Variants in BTC observed in about 807,000 individuals in gnomAD.
The protein encoded by BTC is betacellulin, also known as probetacellulin.
BTC carries 13 observed loss-of-function variants against 18.1 expected under a neutral mutation model. The ratio of observed to expected loss-of-function variants is 0.72; its 90% CI spans 0.47 to 1.14. BTC has a LOEUF of 1.14. BTC is among the 50% of genes most tolerant of loss of function. The pLI is 0.00. For missense variants in BTC, 247 were observed against 224.2 expected (o/e 1.10, Z -0.65); for synonymous variants, 83 against 79.4 (o/e 1.05, Z -0.24).
At chr4:74,757,465 T>C (rs1553956830) in intron 2 of BTC, among the ~76,000 whole-genome samples, 1 of 152,138 alleles carries the variant, frequency 6.6e-6, no homozygotes, top group African/African-American at 2.4e-5. Flanking sequence ...ATGAGACTCA[T>C]CAGAAGGACT....
intron 5 of BTC, 146 bp from the exon 6 acceptor site, chr4:74,746,821 C>T (rs1248806927): frequency 2.0e-5 from 3 of 152,158 alleles, no homozygotes; most frequent in Admixed American, 6.5e-5. Context: ...TATAATTTCT[C>T]GTCAAGCATT....
chr4:74,749,679 G>GTTTTTTTTTTTTTTT (rs368443449), intron 4 of BTC, among the ~76,000 whole-genome samples: 1 of 77,842 alleles, frequency 1.3e-5, no homozygotes, highest in Non-Finnish European at 2.6e-5. Context: ...TAATAAGATA[G>GTTTTTTTTTTTTTTT]TTTTTTTTGT....
Position 74,746,039 on chromosome 4 carries a change from C to T in BTC, c.*638G>A, listed in dbSNP as rs2109872622. Reference sequence around the variant, plus strand: ...GACATCTCACAATCATACCAAAACACAGTTCAGTATAAAACCTTGGGTTAT... The same window carrying T: ...GACATCTCACAATCATACCAAAACATAGTTCAGTATAAAACCTTGGGTTAT... On this transcript the variant is annotated 3_prime_UTR_variant, in exon 6 of 6. Transcript: ENST00000395743. The T allele has an allele frequency of 6.6e-6, 1 of 152,288 alleles. No homozygotes were observed. The highest frequency in any genetic ancestry group is 2.1e-4 in the South Asian group (1 of 4,826). The allele number at this position is 152,288 out of a possible 1,614,324, so 9.4% of individuals were successfully genotyped here. A position where few individuals can be genotyped will look rare whatever the true frequency, so the allele number is the denominator to read the frequency against.
chr4:74,754,587 A>G (rs757432979), intron 3 of BTC, among the ~76,000 whole-genome samples: 93 of 152,228 alleles, frequency 6.1e-4, no homozygotes, highest in Non-Finnish European at 1.2e-3. Flanking sequence ...AAGAGCTTAT[A>G]TAATAAATCA....
chr4:74,789,505 C>T (rs1370004930), intron 1 of BTC, among the ~76,000 whole-genome samples: 1 of 152,100 alleles, frequency 6.6e-6, no homozygotes, highest in African/African-American at 2.4e-5. Flanking sequence ...AATTCTGTGT[C>T]TCTAAATGAT....
At chr4:74,770,588 C>T (rs1201970588) in intron 1 of BTC, among the ~76,000 whole-genome samples, 2 of 152,110 alleles carry the variant, frequency 1.3e-5, no homozygotes, top group Non-Finnish European at 2.9e-5. Flanking sequence ...GAATGTGCTT[C>T]TTTCTGGGGA....
chr4:74,763,176 C>A (rs1457695132), intron 2 of BTC, among the ~76,000 whole-genome samples: 1 of 151,940 alleles, frequency 6.6e-6, no homozygotes, highest in Non-Finnish European at 1.5e-5. Context: ...AATTCTATAT[C>A]CTATACAGAA....
intron 2 of BTC, among the ~76,000 whole-genome samples, chr4:74,758,197 G>GA (rs1724654430): frequency 2.0e-5 from 3 of 152,356 alleles, no homozygotes; most frequent in Middle Eastern, 3.4e-3. Flanking sequence ...GAAGGGTCCT[G>GA]AAGGGGAACA....
intron 1 of BTC, among the ~76,000 whole-genome samples, chr4:74,783,323 G>T (rs1277534405): frequency 1.3e-5 from 2 of 152,060 alleles, no homozygotes; most frequent in Non-Finnish European, 2.9e-5. Context: ...CATATGACTA[G>T]CCAGTTCTCT....
chr4:74,758,682 G>A (rs1432741041), intron 2 of BTC, among the ~76,000 whole-genome samples: 1 of 152,130 alleles, frequency 6.6e-6, no homozygotes, highest in Non-Finnish European at 1.5e-5. Context: ...AAATTAACCA[G>A]CAGCTGCTGA....
chr4:74,756,954 C>T (rs1291593229), intron 2 of BTC, among the ~76,000 whole-genome samples: 6 of 152,144 alleles, frequency 3.9e-5, no homozygotes, highest in South Asian at 2.1e-4. Context: ...CTAGCTGTTT[C>T]GTATGTTAAC....
At chr4:74,789,650 AATT>A (rs1256139755) in intron 1 of BTC, among the ~76,000 whole-genome samples, 2 of 152,304 alleles carry the variant, frequency 1.3e-5, no homozygotes, top group Non-Finnish European at 2.9e-5. Context: ...CATCTGAAAA[AATT>A]ATTTTGTCCT....
chr4:74,750,714 T>C lies in BTC; in HGVS notation c.287A>G (p.Asp96Gly), dbSNP rs199618373. ...ACACCTTGCTCCAATGTAGCCTTCA[T>C]CACAGCTATAAAACAAGACGAGGGC... is the stretch of plus-strand genomic sequence containing the variant. ...VAEQTPSCVC[D>G]EGYIGARCER... The change falls in exon 4 of 6, where the codon GAT (aspartate) becomes GGT (glycine). Residue 96 changes from aspartate to glycine, a missense_variant. Coordinates refer to ENST00000395743, the MANE Select transcript of BTC (RefSeq NM_001729.4). 3.1e-4 allele frequency: 508 copies of C among 1,613,060 alleles called. 3 individuals carry two copies. Among genetic ancestry groups the C allele is most frequent in the South Asian group, 2.6e-3 (240 of 90,742 alleles).
chr4:74,767,780 C>T (rs1724939954), intron 2 of BTC, among the ~76,000 whole-genome samples: 1 of 151,944 alleles, frequency 6.6e-6, no homozygotes. Context: ...TAACAATACG[C>T]AATGAGGAAA....
chr4:74,794,461 G>T lies in BTC; in HGVS notation c.-136C>A. 2.0e-6 allele frequency: 2 copies of T among 1,003,484 alleles called. No homozygotes were observed. The highest frequency in any genetic ancestry group is 1.4e-6 in the Non-Finnish European group (1 of 712,432). 62.2% of individuals were successfully genotyped at this position (1,003,484 alleles called of 1,614,324 possible). The stretch of plus-strand genomic sequence containing the variant: ...AGAAGGAAACGAAACTACTTCCCAG[G>T]CTGGCACCCTGGCTACAAGGCAGGG... On this transcript the variant is annotated 5_prime_UTR_variant, in exon 1 of 6. Coordinates refer to ENST00000395743, the MANE Select transcript of BTC (RefSeq NM_001729.4).
At position 74,787,170 on chromosome 4, in the gene BTC, A is replaced by G. The variant is rs117582964; in HGVS notation, c.64+7092T>C. Among the ~76,000 whole-genome samples the G allele has an allele frequency of 6.4e-4, 97 of 152,328 alleles. 1 individual carries two copies. In the East Asian group the frequency reaches 0.016, roughly 25 times the overall value. ...AGTCTTGCGAAGACGAAAATGTTATATTAGTAGTTCATCCTGTTATGCAAC... is the reference window on the plus strand; with the variant it reads ...AGTCTTGCGAAGACGAAAATGTTATGTTAGTAGTTCATCCTGTTATGCAAC... On this transcript the variant is annotated intron_variant, in intron 1 of 5. Transcript: ENST00000395743.
At chr4:74,753,145 G>A (rs188457871) in intron 3 of BTC, among the ~76,000 whole-genome samples, 5 of 152,286 alleles carry the variant, frequency 3.3e-5, no homozygotes, top group Middle Eastern at 3.4e-3. Flanking sequence ...TGGTGACTAA[G>A]TGGGTTTTTA....
chr4:74,759,247 T>C (rs1474448621), intron 2 of BTC, among the ~76,000 whole-genome samples: 5 of 151,488 alleles, frequency 3.3e-5, no homozygotes, highest in African/African-American at 1.2e-4. Flanking sequence ...AAAATAGGGA[T>C]TGGTCCTAAG....
intron 1 of BTC, among the ~76,000 whole-genome samples, chr4:74,789,749 GTT>G (rs1725572592): frequency 2.0e-5 from 3 of 152,110 alleles, no homozygotes. Context: ...TAAAATGACA[GTT>G]TTATTTATTT....
Sources: gnomAD v4.1 joint callset for allele counts (sites outside exome capture counted in the v4.1 genomes callset) on GRCh38, gnomAD v4.1.1 for gene constraint, MANE v1.5 for transcripts, NCBI Gene and HGNC (gene_info 2026-07-23, HGNC 2026-07-21) for gene names.